The following GVQW3 variants were observed in gnomAD, a reference collection of about 807,000 sequenced individuals.
The protein encoded by GVQW3 is GVQW motif containing 3, also known as protein GVQW3.
In GVQW3, 7 loss-of-function variants were observed where a neutral mutation model predicts 12.5. That is an observed-to-expected ratio of 0.56 (90% CI 0.32 to 1.05). The LOEUF is 1.05. GVQW3 is among the 50% of genes least tolerant of loss of function. The pLI is 0.04. For synonymous variants in GVQW3, 71 were observed against 67.2 expected, an observed-to-expected ratio of 1.06 and a Z score of -0.28; for missense variants, 188 against 190.8, an observed-to-expected ratio of 0.99 and a Z score of 0.09.
At chr11:76,397,905 C>T (rs368277099) in intron 1 of GVQW3, among the ~76,000 whole-genome samples, 6 of 151,886 alleles carry the variant, frequency 4.0e-5, no homozygotes, top group East Asian at 3.9e-4. Flanking sequence ...GAGGCTGAGG[C>T]GGGTGGATCA....
At chr11:76,383,002 CA>C (rs1946793796) in intron 1 of GVQW3, 1 of 153,250 alleles carries the variant, frequency 6.5e-6, no homozygotes, top group Non-Finnish European at 1.5e-5. Context: ...CCTTAGGAAT[CA>C]GGGGTTGGCC....
Position 76,381,530 on chromosome 11 carries a change from T to G in GVQW3, c.-299T>G, listed in dbSNP as rs1167253536. ...TAAGGGCCGCGGAATCGGAGCGACCTTGGTGACTGGCAAACTCTCGGCAGA... is the reference window on the plus strand; with the variant it reads ...TAAGGGCCGCGGAATCGGAGCGACCGTGGTGACTGGCAAACTCTCGGCAGA... On this transcript the variant is annotated 5_prime_UTR_variant, in exon 1 of 2. Coordinates refer to ENST00000529331, the MANE Select transcript of GVQW3 (RefSeq NM_001347885.2). The G allele has an allele frequency of 3.1e-6, 1 of 318,880 alleles. No homozygotes were observed. The highest frequency in any genetic ancestry group is 5.8e-6 in the Non-Finnish European group (1 of 172,592). The allele number at this position is 318,880 out of a possible 1,614,324, so 19.8% of individuals were successfully genotyped here.
At chr11:76,400,871 C>T (rs1278949754) in intron 1 of GVQW3, among the ~76,000 whole-genome samples, 3 of 152,086 alleles carry the variant, frequency 2.0e-5, no homozygotes, top group Non-Finnish European at 4.4e-5. Context: ...TTCAGATTCC[C>T]TCTTCAGCTA....
chr11:76,385,906 T>C (rs1023544700), intron 1 of GVQW3, among the ~76,000 whole-genome samples: 4 of 152,154 alleles, frequency 2.6e-5, no homozygotes, highest in South Asian at 4.1e-4. Flanking sequence ...TCATGAAACT[T>C]CTTCAGAGTT....
chr11:76,390,781 T>G (rs1336930717), intron 1 of GVQW3, among the ~76,000 whole-genome samples: 1 of 151,668 alleles, frequency 6.6e-6, no homozygotes, highest in South Asian at 2.1e-4. Context: ...GGGCTGAGAT[T>G]GCGCCACTGC....
intron 1 of GVQW3, among the ~76,000 whole-genome samples, chr11:76,390,549 T>G (rs908070994): frequency 1.3e-5 from 2 of 152,158 alleles, no homozygotes; most frequent in Admixed American, 6.6e-5. Flanking sequence ...TAAGATAAAT[T>G]AGTAGGCTGG....
At chr11:76,410,525 T>G (rs1036713754), downstream of GVQW3, among the ~76,000 whole-genome samples, 9 of 152,106 alleles carry the variant, frequency 5.9e-5, no homozygotes, top group Admixed American at 5.2e-4. Flanking sequence ...GTCTTAAATC[T>G]CCAAGAGGTA....
chr11:76,381,965 G>A lies in GVQW3; in HGVS notation c.137G>A (p.Trp46Ter), dbSNP rs1439131768. The A allele has an allele frequency of 6.5e-7, 1 of 1,536,278 alleles. No individual in the cohort carries two copies. Among genetic ancestry groups the A allele is most frequent in the African/African-American group, 1.4e-5 (1 of 73,058 alleles). ...EVMSRARVFD[W>*]HKRFKEGRED... ...ATGTCAAGGGCCAGAGTTTTTGACT[G>A]GCACAAAAGGTTTAAAGAAGGACGG... Residue 46 changes from tryptophan (W) to a stop codon, truncating the protein, a stop_gained, in exon 1 of 2, where the codon TGG becomes TAG. Transcript: ENST00000529331. LOFTEE classifies it high-confidence loss of function.
Position 76,404,783 on chromosome 11 carries a change from C to T in GVQW3, c.*1025C>T, listed in dbSNP as rs1947023527. 6.6e-6 allele frequency: 1 copy of T among 152,340 alleles called. No individual in the cohort carries two copies. The highest frequency in any genetic ancestry group is 2.4e-5 in the African/African-American group (1 of 41,460). 9.4% of individuals were successfully genotyped at this position (152,340 alleles called of 1,614,324 possible). A position where few individuals can be genotyped will look rare whatever the true frequency, so the allele number is the denominator to read the frequency against. The stretch of plus-strand genomic sequence containing the variant: ...CAGGCTTTTCACTTCCTTCCTTAGA[C>T]TGGGGGCGCCTCTTGCCCTGTGCAT... On this transcript the variant is annotated 3_prime_UTR_variant, in exon 2 of 2. Coordinates refer to ENST00000529331, the MANE Select transcript of GVQW3 (RefSeq NM_001347885.2).
At position 76,381,989 on chromosome 11, in the gene GVQW3, G is replaced by C. The variant is rs763999316; in HGVS notation, c.161G>C (p.Arg54Pro). The C allele has an allele frequency of 2.6e-6, 4 of 1,536,382 alleles. No homozygotes were observed. The South Asian group carries it at 4.8e-5, about 18-fold the overall frequency. Residue 54 changes from arginine to proline, a missense_variant, in exon 1 of 2, where the codon CGG becomes CCG. Coordinates refer to ENST00000529331, the MANE Select transcript of GVQW3 (RefSeq NM_001347885.2). ...TGGCACAAAAGGTTTAAAGAAGGACGGGAAGATGTTCGAGATGATGCCCGA... is the reference window on the plus strand; with the variant it reads ...TGGCACAAAAGGTTTAAAGAAGGACCGGAAGATGTTCGAGATGATGCCCGA... ...FDWHKRFKEG[R>P]EDVRDDARSG...
At chr11:76,384,468 G>A (rs1188739395) in intron 1 of GVQW3, among the ~76,000 whole-genome samples, 1 of 152,116 alleles carries the variant, frequency 6.6e-6, no homozygotes, top group South Asian at 2.1e-4. Context: ...GATTACAGGT[G>A]CATGCTGCTA....
rs149387918 is a variant in GVQW3 at position 76,397,955 on chromosome 11, G to A, written c.466-5705G>A. Among the ~76,000 whole-genome samples, 117 of 152,170 alleles carry A rather than the reference G, an allele frequency of 7.7e-4. 1 individual carries two copies. The highest frequency in any genetic ancestry group is 1.3e-3 in the Non-Finnish European group (85 of 68,000). ...TTTTGAGACCAGCCTGGCCAACATG[G>A]TGAAACCCCATCTCTACAAAAGTAT... On this transcript the variant is annotated intron_variant, in intron 1 of 1. Coordinates refer to ENST00000529331, the MANE Select transcript of GVQW3 (RefSeq NM_001347885.2).
At chr11:76,412,523 A>G (rs923224235), downstream of GVQW3, 2 of 152,200 alleles carry the variant, frequency 1.3e-5, no homozygotes, top group African/African-American at 4.8e-5. Context: ...AGCATGAATC[A>G]AAGAAAAATC....
Position 76,403,894 on chromosome 11 carries a change from T to C in GVQW3, c.*136T>C. ...ACAGCTCAAGAAGCGAGAACAAATTTGCCCTTCTATCTTTTTGTTCTATTC... is the reference window on the plus strand; with the variant it reads ...ACAGCTCAAGAAGCGAGAACAAATTCGCCCTTCTATCTTTTTGTTCTATTC... On this transcript the variant is annotated 3_prime_UTR_variant, in exon 2 of 2. Transcript: ENST00000529331. 1 of 701,480 alleles carries C rather than the reference T, an allele frequency of 1.4e-6. No homozygotes were observed. Among genetic ancestry groups the C allele is most frequent in the Middle Eastern group, 2.3e-4 (1 of 4,366 alleles). The allele number at this position is 701,480 out of a possible 1,614,324, so 43.5% of individuals were successfully genotyped here. A position where few individuals can be genotyped will look rare whatever the true frequency, so the allele number is the denominator to read the frequency against.
rs1171826290 is a variant in GVQW3 at position 76,382,008 on chromosome 11, T to C, written c.180T>C (p.Asp60=). ...AAGGACGGGAAGATGTTCGAGATGA[T>C]GCCCGAAGTGGGCGTCCAGTCACCC... ...FKEGREDVRD[D]ARSGRPVTHR... The change falls in exon 1 of 2, where the codon GAT becomes GAC. Residue 60 remains aspartate, a synonymous_variant. Coordinates refer to ENST00000529331, the MANE Select transcript of GVQW3 (RefSeq NM_001347885.2). 1 of 1,536,462 alleles carries C rather than the reference T, an allele frequency of 6.5e-7. No individual in the cohort carries two copies. The highest frequency in any genetic ancestry group is 8.7e-7 in the Non-Finnish European group (1 of 1,146,982).
At chr11:76,409,607 C>T (rs1005134361), downstream of GVQW3, among the ~76,000 whole-genome samples, 9 of 152,176 alleles carry the variant, frequency 5.9e-5, no homozygotes, top group African/African-American at 1.4e-4. Context: ...TCCTCCTCAC[C>T]GCCCCTGAGT....
chr11:76,405,883 A>G lies in GVQW3; in HGVS notation c.*2125A>G, dbSNP rs1473111375. ...CACTATGTTGCCCAGGCTGGTCTTG[A>G]ACTCCTGGGCTCCAGTGATCCTCCC... On this transcript the variant is annotated 3_prime_UTR_variant, in exon 2 of 2. Coordinates refer to ENST00000529331, the MANE Select transcript of GVQW3 (RefSeq NM_001347885.2). 6.6e-6 allele frequency: 1 copy of G among 152,232 alleles called. No individual in the cohort carries two copies. Among genetic ancestry groups the G allele is most frequent in the African/African-American group, 2.4e-5 (1 of 41,412 alleles). The allele number at this position is 152,232 out of a possible 1,614,324, so 9.4% of individuals were successfully genotyped here.
At chr11:76,399,127 T>TGTATTGTATTGTATTGTATTG (rs1296706412) in intron 1 of GVQW3, among the ~76,000 whole-genome samples, 100 of 151,062 alleles carry the variant, frequency 6.6e-4, no homozygotes, top group African/African-American at 2.4e-3. Context: ...TTTATTTTAT[T>TGTATTGTATTGTATTGTATTG]TCATTTTATT....
At chr11:76,410,486 T>G (rs2134571994), downstream of GVQW3, among the ~76,000 whole-genome samples, 1 of 152,276 alleles carries the variant, frequency 6.6e-6, no homozygotes, top group East Asian at 1.9e-4. Context: ...AGAACAGTGC[T>G]TTGTATTTAG....
Sources: allele counts gnomAD v4.1 joint callset (sites outside exome capture counted in the v4.1 genomes callset), GRCh38; gene constraint gnomAD v4.1.1; transcripts MANE v1.5; gene names NCBI Gene and HGNC (gene_info 2026-07-23, HGNC 2026-07-21).